Variants in GRIA2 observed in about 807,000 individuals in gnomAD.
GRIA2 encodes the protein glutamate receptor 2.
Under a neutral mutation model 97.3 loss-of-function variants are expected in GRIA2, and 14 were observed. That is an observed-to-expected ratio of 0.14 (90% confidence interval 0.10 to 0.23). The LOEUF (loss-of-function observed/expected upper bound fraction) is 0.23, where lower values mean the gene tolerates loss of function less well. Ranked by LOEUF, GRIA2 falls within the 10% of genes least tolerant of loss-of-function variation. GRIA2 has a pLI of 1.00. For missense variants in GRIA2, 558 were observed against 1,069.8 expected (o/e 0.52, Z 6.67); for synonymous variants, 412 against 387.8 (o/e 1.06, Z -0.73).
chr4:157,246,989 C>CA (rs1351779865), intron 2 of GRIA2, among the ~76,000 whole-genome samples: 1 of 152,116 alleles, frequency 6.6e-6, no homozygotes. Flanking sequence ...TGCTTTAACT[C>CA]ATTTTCTTTC....
At chr4:157,276,136 G>T (rs1263124177) in intron 2 of GRIA2, among the ~76,000 whole-genome samples, 4 of 152,100 alleles carry the variant, frequency 2.6e-5, no homozygotes, top group African/African-American at 9.6e-5. Context: ...ATTGTAAATG[G>T]GAGTTCACTC....
At chr4:157,342,323 A>C in intron 12 of GRIA2, 1 of 985,146 alleles carries the variant, frequency 1.0e-6, no homozygotes. Flanking sequence ...CTCATGCTAC[A>C]TTACCTCTGA....
At chr4:157,220,263 C>T (rs1579280091), upstream of GRIA2, 1 of 152,256 alleles carries the variant, frequency 6.6e-6, no homozygotes, top group South Asian at 2.1e-4. Context: ...CGCTTCGCCG[C>T]CAACAATTAG....
At chr4:157,299,534 G>A (rs2126856572) in intron 2 of GRIA2, among the ~76,000 whole-genome samples, 1 of 152,096 alleles carries the variant, frequency 6.6e-6, no homozygotes, top group South Asian at 2.1e-4. Flanking sequence ...ATAACTATGC[G>A]AGGCTATTTA....
At chr4:157,362,628 C>T (rs1263855887) in intron 14 of GRIA2, among the ~76,000 whole-genome samples, 171 bp from the exon 15 acceptor site, 3 of 152,096 alleles carry the variant, frequency 2.0e-5, no homozygotes, top group Non-Finnish European at 2.9e-5. Flanking sequence ...TATGTTGTTT[C>T]ATGGTAGCTG....
intron 2 of GRIA2, among the ~76,000 whole-genome samples, chr4:157,278,718 A>G (rs1732460351): frequency 6.6e-6 from 1 of 152,044 alleles, no homozygotes; most frequent in Non-Finnish European, 1.5e-5. Flanking sequence ...TAAAAGACAT[A>G]TCTAATAAAG....
intron 12 of GRIA2, among the ~76,000 whole-genome samples, chr4:157,349,990 T>G (rs1735937170): frequency 6.6e-6 from 1 of 152,172 alleles, no homozygotes; most frequent in Admixed American, 6.5e-5. Flanking sequence ...ATCATAACAT[T>G]TATTGAGTTA....
chr4:157,282,020 A>G (rs1230276923), intron 2 of GRIA2, among the ~76,000 whole-genome samples: 1 of 152,158 alleles, frequency 6.6e-6, no homozygotes, highest in Non-Finnish European at 1.5e-5. Flanking sequence ...CCAGTTTGTT[A>G]CAGGTGACAG....
intron 3 of GRIA2, among the ~76,000 whole-genome samples, chr4:157,311,184 G>A (rs982041325): frequency 6.6e-6 from 1 of 151,938 alleles, no homozygotes; most frequent in Non-Finnish European, 1.5e-5. Flanking sequence ...GCAGGAAAAT[G>A]CTTGTTTTAT....
At chr4:157,269,927 A>T (rs1731942070) in intron 2 of GRIA2, among the ~76,000 whole-genome samples, 1 of 151,994 alleles carries the variant, frequency 6.6e-6, no homozygotes, top group South Asian at 2.1e-4. Flanking sequence ...TACCTTGAAA[A>T]GTGGGCCCAT....
chr4:157,307,769 G>A (rs1733906091), intron 3 of GRIA2, among the ~76,000 whole-genome samples: 1 of 152,184 alleles, frequency 6.6e-6, no homozygotes, highest in African/African-American at 2.4e-5. Context: ...CTTTATATCT[G>A]TATATCTTGG....
chr4:157,354,853 C>T (rs937889618), intron 12 of GRIA2, among the ~76,000 whole-genome samples: 2 of 152,142 alleles, frequency 1.3e-5, no homozygotes, highest in Non-Finnish European at 2.9e-5. Context: ...GGCAGTGGCG[C>T]AACATGCTAC....
chr4:157,355,951 T>TAATATATTTA (rs1560781240), intron 12 of GRIA2, among the ~76,000 whole-genome samples: 2 of 68,102 alleles, frequency 2.9e-5, no homozygotes, highest in African/African-American at 1.5e-4. Context: ...TAATATATAT[T>TAATATATTTA]TATATATTTA....
At chr4:157,274,241 A>G (rs7677308) in intron 2 of GRIA2, among the ~76,000 whole-genome samples, 54,794 of 151,820 alleles carry the variant, frequency 0.36, 10,385 homozygotes, top group African/African-American at 0.47. Context: ...TCATCAAGAA[A>G]GAAAATTATA....
chr4:157,267,511 C>T (rs1731826962), intron 2 of GRIA2, among the ~76,000 whole-genome samples: 1 of 151,688 alleles, frequency 6.6e-6, no homozygotes, highest in African/African-American at 2.4e-5. Context: ...TATTAAAGAC[C>T]TATCATCCTG....
At chr4:157,352,338 T>A (rs1424558133) in intron 12 of GRIA2, among the ~76,000 whole-genome samples, 1 of 152,186 alleles carries the variant, frequency 6.6e-6, no homozygotes, top group African/African-American at 2.4e-5. Flanking sequence ...ATCTTGATTC[T>A]ATAATAAAGG....
At chr4:157,357,585 A>G (rs957436912) in intron 12 of GRIA2, among the ~76,000 whole-genome samples, 19 of 152,292 alleles carry the variant, frequency 1.2e-4, no homozygotes, top group African/African-American at 4.6e-4. Context: ...TCATAAAATC[A>G]TGCTCCTCAT....
chr4:157,225,635 T>C (rs1038227023), intron 2 of GRIA2, among the ~76,000 whole-genome samples: 6 of 148,882 alleles, frequency 4.0e-5, no homozygotes, highest in East Asian at 3.9e-4. Flanking sequence ...TTTTTTTTTT[T>C]CTAGCCTTTT....
In GRIA2 at chr4:157,352,136, C is replaced by T. The variant is rs1031313090; in HGVS notation, c.2044-7760C>T. Among the ~76,000 whole-genome samples the T allele has an allele frequency of 7.2e-5, 11 of 152,138 alleles. No individual in the cohort carries two copies. The South Asian group carries it at 1.0e-3, about 14-fold the overall frequency. Reference sequence around the variant, plus strand: ...TTATATGTAGATATTTACTGGATTGCTCTAAGTTTTATAATATTGTTAAGT... The same window carrying T: ...TTATATGTAGATATTTACTGGATTGTTCTAAGTTTTATAATATTGTTAAGT... On this transcript the variant is annotated intron_variant, in intron 12 of 15. Coordinates refer to ENST00000264426, the MANE Select transcript of GRIA2 (RefSeq NM_001083619.3).
Sources: allele counts gnomAD v4.1 joint callset (sites outside exome capture counted in the v4.1 genomes callset), GRCh38; gene constraint gnomAD v4.1.1; transcripts MANE v1.5; gene names NCBI Gene and HGNC (gene_info 2026-07-23, HGNC 2026-07-21).